The following COL14A1 variants were observed in gnomAD, a reference collection of about 807,000 sequenced individuals.
COL14A1 encodes collagen type XIV alpha 1 chain.
Under a neutral mutation model 230.3 loss-of-function variants are expected in COL14A1, and 136 were observed. The ratio of observed to expected loss-of-function variants is 0.59; its 90% CI spans 0.51 to 0.68. COL14A1 has a LOEUF of 0.68. COL14A1 is among the 30% of genes least tolerant of loss of function. The pLI is 0.00. For synonymous variants in COL14A1, 792 were observed against 784.1 expected, an observed-to-expected ratio of 1.01 and a Z score of -0.17; for missense variants, 1,976 against 2,215.8, an observed-to-expected ratio of 0.89 and a Z score of 2.17.
In COL14A1 at chr8:120,344,415, G is replaced by A. The variant is rs547153021; in HGVS notation, c.4889-960G>A. On this transcript the variant is annotated intron_variant, in intron 44 of 47. Coordinates refer to ENST00000297848, the MANE Select transcript of COL14A1 (RefSeq NM_021110.4). Reference sequence around the variant, plus strand: ...AGAGTTACATGGGAAATTATGCAAGGCCAAAGTGATGACAGCTGGGAAAAT... The same window carrying A: ...AGAGTTACATGGGAAATTATGCAAGACCAAAGTGATGACAGCTGGGAAAAT... 7.2e-5 allele frequency among the ~76,000 whole-genome samples: 11 copies of A among 152,324 alleles called. No homozygotes were observed. In the South Asian group the frequency reaches 2.3e-3, roughly 32 times the overall value.
rs1823439913 is a variant in COL14A1, at chr8:120,367,355, G to A, written c.5155+107G>A. On this transcript the variant is annotated intron_variant, in intron 46 of 47. Transcript: ENST00000297848. ...TTACATCCTAGTATGTAACTTAAAT[G>A]GCTGTATTTCTTACTTGTTTTATTG... 5.7e-6 allele frequency: 5 copies of A among 872,958 alleles called. No individual in the cohort carries two copies. The South Asian group carries it at 9.0e-5, about 16-fold the overall frequency. The allele number at this position is 872,958 out of a possible 1,614,324, so 54.1% of individuals were successfully genotyped here. A position where few individuals can be genotyped will look rare whatever the true frequency, so the allele number is the denominator to read the frequency against.
chr8:120,331,832 A>G (rs963124536), intron 40 of COL14A1, among the ~76,000 whole-genome samples: 1 of 152,248 alleles, frequency 6.6e-6, no homozygotes, highest in African/African-American at 2.4e-5. Flanking sequence ...TTAATGACCA[A>G]TAATGGATCC....
chr8:120,227,415 A>G lies in COL14A1; in HGVS notation c.2137+63A>G, dbSNP rs1467007587. The G allele has an allele frequency of 5.7e-6, 9 of 1,581,608 alleles. No homozygotes were observed. In the Admixed American group the frequency reaches 1.4e-4, roughly 25 times the overall value. ...CCCACAATCCCTCTTTACCCCATCA[A>G]TTTCCTTCCCCATCTGCTTTATCTT... On this transcript the variant is annotated intron_variant, in intron 17 of 47. Transcript: ENST00000297848.
chr8:120,301,685 G>A (rs1302274851), intron 36 of COL14A1, among the ~76,000 whole-genome samples: 1 of 152,046 alleles, frequency 6.6e-6, no homozygotes, highest in African/African-American at 2.4e-5. Flanking sequence ...ATGTCTTTAT[G>A]ATAGAAGGGT....
At chr8:120,209,670 A>G (rs1331031986) in intron 11 of COL14A1, 86 bp from the exon 12 acceptor site, 15 of 1,343,922 alleles carry the variant, frequency 1.1e-5, no homozygotes, top group Non-Finnish European at 1.4e-5. Context: ...CCCCTCAAAT[A>G]TGGTCAATCT....
At chr8:120,359,420 G>C (rs925426480) in intron 45 of COL14A1, among the ~76,000 whole-genome samples, 13 of 152,100 alleles carry the variant, frequency 8.5e-5, no homozygotes, top group Non-Finnish European at 2.9e-5. Context: ...CCTGGACACA[G>C]CTCACTTTTC....
At chr8:120,254,141 T>A (rs944143185) in intron 22 of COL14A1, among the ~76,000 whole-genome samples, 3 of 152,046 alleles carry the variant, frequency 2.0e-5, no homozygotes, top group Non-Finnish European at 4.4e-5. Context: ...GTGAGTAAGC[T>A]AAGAGAGAGA....
intron 3 of COL14A1, among the ~76,000 whole-genome samples, chr8:120,159,994 A>T (rs1815608850): frequency 6.6e-6 from 1 of 152,126 alleles, no homozygotes; most frequent in African/African-American, 2.4e-5. Context: ...GCCCAGCCTG[A>T]TATATCTTTC....
chr8:120,334,979 TA>T lies in COL14A1; in HGVS notation c.4785+2245del, dbSNP rs796381458. 8.9e-4 allele frequency among the ~76,000 whole-genome samples: 135 copies of T among 152,326 alleles called. 1 individual carries two copies. The highest frequency in any genetic ancestry group is 3.1e-3 in the African/African-American group (129 of 41,574). On this transcript the variant is annotated intron_variant, in intron 42 of 47. Coordinates refer to ENST00000297848, the MANE Select transcript of COL14A1 (RefSeq NM_021110.4). ...GTTTAATTTGGTTAGACAATAAACG[TA>T]TTTGTGCATGAGGTTCTTATTCTTA...
intron 36 of COL14A1, among the ~76,000 whole-genome samples, chr8:120,308,830 G>T (rs539344032): frequency 2.0e-5 from 3 of 152,140 alleles, no homozygotes; most frequent in African/African-American, 7.2e-5. Flanking sequence ...CTTCTGCTCA[G>T]GTAAAATATA....
intron 23 of COL14A1, among the ~76,000 whole-genome samples, chr8:120,256,499 T>A (rs1379571372): frequency 6.6e-6 from 1 of 152,170 alleles, no homozygotes; most frequent in Non-Finnish European, 1.5e-5. Context: ...ATGATAGACA[T>A]GTGGCACCAC....
At chr8:120,144,426 A>G (rs934617220) in intron 1 of COL14A1, among the ~76,000 whole-genome samples, 2 of 152,316 alleles carry the variant, frequency 1.3e-5, no homozygotes, top group Non-Finnish European at 2.9e-5. Flanking sequence ...TATGTTAACT[A>G]CACTGAGAGG....
In COL14A1 at chr8:120,298,627, A is replaced by ATG. The variant is rs1820608313; in HGVS notation, c.4314+1040_4314+1041insGT. ...TATATATATATATATATATATATAT[A>ATG]TATATATATATACAAAAATACAGAT... is the stretch of plus-strand genomic sequence containing the variant. On this transcript the variant is annotated intron_variant, in intron 35 of 47. Coordinates refer to ENST00000297848, the MANE Select transcript of COL14A1 (RefSeq NM_021110.4). 7.2e-5 allele frequency among the ~76,000 whole-genome samples: 9 copies of ATG among 124,750 alleles called. No individual in the cohort carries two copies. In the South Asian group the frequency reaches 2.3e-3, roughly 32 times the overall value. 81.8% of individuals were successfully genotyped at this position (124,750 alleles called of 152,430 possible).
intron 3 of COL14A1, among the ~76,000 whole-genome samples, chr8:120,158,720 G>A (rs1195884290): frequency 6.6e-6 from 1 of 152,010 alleles, no homozygotes; most frequent in Non-Finnish European, 1.5e-5. Flanking sequence ...GTTATTTAAG[G>A]ATGCTTTAAA....
intron 19 of COL14A1, among the ~76,000 whole-genome samples, chr8:120,235,048 G>A (rs1818394878): frequency 6.6e-6 from 1 of 152,146 alleles, no homozygotes; most frequent in Non-Finnish European, 1.5e-5. Flanking sequence ...TTGGGAGGGT[G>A]TATGTGTCCA....
intron 26 of COL14A1, 98 bp from the exon 27 acceptor site, chr8:120,278,013 A>C: frequency 9.0e-7 from 1 of 1,106,682 alleles, no homozygotes; most frequent in Admixed American, 2.8e-5. Flanking sequence ...GTAATGAGAT[A>C]ATGAAGAAAT....
At chr8:120,254,821 CAAAA>C in intron 22 of COL14A1, among the ~76,000 whole-genome samples, 1 of 93,652 alleles carries the variant, frequency 1.1e-5, no homozygotes, top group African/African-American at 4.1e-5. Context: ...ACTGCCTCTA[CAAAA>C]AAAAAAAAAA....
At chr8:120,175,410 T>C (rs1046475953) in intron 5 of COL14A1, among the ~76,000 whole-genome samples, 2 of 152,214 alleles carry the variant, frequency 1.3e-5, no homozygotes, top group African/African-American at 4.8e-5. Flanking sequence ...TCAGTGATTT[T>C]TAAAATTAAG....
chr8:120,339,147 G>A (rs980623438), intron 42 of COL14A1, among the ~76,000 whole-genome samples: 2 of 152,178 alleles, frequency 1.3e-5, no homozygotes, highest in African/African-American at 4.8e-5. Flanking sequence ...GCTAATTTTT[G>A]TATTTTTAGT....
Sources: allele counts gnomAD v4.1 joint callset (sites outside exome capture counted in the v4.1 genomes callset), GRCh38; gene constraint gnomAD v4.1.1; transcripts MANE v1.5; gene names NCBI Gene and HGNC (gene_info 2026-07-23, HGNC 2026-07-21).